Variants in TRPM7 observed in about 807,000 individuals in gnomAD.
The protein encoded by TRPM7 is transient receptor potential cation channel subfamily M member 7, also known as LTRPC ion channel family member 7.
A neutral mutation model predicts 229.7 loss-of-function variants in TRPM7; 134 were observed. The observed-to-expected ratio is 0.58, with a 90% confidence interval of 0.51 to 0.67. The LOEUF (loss-of-function observed/expected upper bound fraction) is 0.67, where lower values mean the gene tolerates loss of function less well. Ranked by LOEUF, TRPM7 falls within the 30% of genes least tolerant of loss-of-function variation. TRPM7 has a pLI of 0.00. For missense variants in TRPM7, 1,901 were observed against 2,210.0 expected, an observed-to-expected ratio of 0.86 and a Z score of 2.80; for synonymous variants, 699 against 715.2, an observed-to-expected ratio of 0.98 and a Z score of 0.36.
intron 9 of TRPM7, among the ~76,000 whole-genome samples, 158 bp downstream of exon 9, chr15:50,632,711 C>A (rs2060774611): frequency 6.6e-6 from 1 of 152,174 alleles, no homozygotes; most frequent in Non-Finnish European, 1.5e-5. Flanking sequence ...TACCTCTCAA[C>A]TTGAACAGAC....
intron 38 of TRPM7, among the ~76,000 whole-genome samples, chr15:50,567,572 C>T (rs190162970): frequency 2.6e-5 from 4 of 152,104 alleles, no homozygotes; most frequent in East Asian, 3.9e-4. Context: ...AAATCCTCAA[C>T]CTATTATTGA....
At chr15:50,640,554 G>C (rs1242499212) in intron 5 of TRPM7, among the ~76,000 whole-genome samples, 1 of 151,332 alleles carries the variant, frequency 6.6e-6, no homozygotes, top group Non-Finnish European at 1.5e-5. Flanking sequence ...CCAAAGTGCT[G>C]GGATTATAGG....
chr15:50,659,368 T>G (rs1398275411), intron 2 of TRPM7, among the ~76,000 whole-genome samples: 1 of 152,182 alleles, frequency 6.6e-6, no homozygotes, highest in Non-Finnish European at 1.5e-5. Flanking sequence ...AGATTTTTTA[T>G]TAGCAAGGTA....
intron 9 of TRPM7, among the ~76,000 whole-genome samples, chr15:50,632,299 AAAAAATAAAT>A (rs1180663600): frequency 6.6e-6 from 1 of 152,190 alleles, no homozygotes; most frequent in Non-Finnish European, 1.5e-5. Flanking sequence ...TCTCCAAAAA[AAAAAATAAAT>A]AAAAATAAAG....
chr15:50,563,934 A>G (rs1477575518), intron 38 of TRPM7, among the ~76,000 whole-genome samples: 1 of 152,000 alleles, frequency 6.6e-6, no homozygotes, highest in African/African-American at 2.4e-5. Flanking sequence ...ATCTCGGCTC[A>G]CTGAAACCCC....
At chr15:50,653,320 A>G (rs2061474887) in intron 3 of TRPM7, among the ~76,000 whole-genome samples, 1 of 152,206 alleles carries the variant, frequency 6.6e-6, no homozygotes, top group African/African-American at 2.4e-5. Flanking sequence ...ACAAAACTGA[A>G]TGTCTGTTCA....
chr15:50,574,797 G>A lies in TRPM7; in HGVS notation c.5019+55C>T. The A allele has an allele frequency of 3.2e-6, 5 of 1,585,582 alleles. No individual in the cohort carries two copies. In the South Asian group the frequency reaches 4.6e-5, roughly 14 times the overall value. Reference sequence around the variant, plus strand: ...TATTTGGCTTATTGATATTTCAGAAGTTAAAATATAAAGCTTAAATTATGT... The same window carrying A: ...TATTTGGCTTATTGATATTTCAGAAATTAAAATATAAAGCTTAAATTATGT... On this transcript the variant is annotated intron_variant, in intron 34 of 38. Transcript: ENST00000646667.
At chr15:50,684,255 C>A (rs185539598) in intron 1 of TRPM7, among the ~76,000 whole-genome samples, 1 of 151,820 alleles carries the variant, frequency 6.6e-6, no homozygotes, top group African/African-American at 2.4e-5. Flanking sequence ...CAGGTTCAAG[C>A]GATTCTCCTG....
chr15:50,605,112 C>T lies in TRPM7; in HGVS notation c.2742G>A (p.Gln914=), dbSNP rs2059886502. 1.2e-5 allele frequency: 19 copies of T among 1,604,798 alleles called. No individual in the cohort carries two copies. Among genetic ancestry groups the T allele is most frequent in the Non-Finnish European group, 1.6e-5 (19 of 1,176,494 alleles). Residue 914 remains glutamine (Q), a synonymous_variant, in exon 21 of 39, where the codon CAG becomes CAA. Transcript: ENST00000646667. ...IFMSEAGKVN[Q]KIKVWFSDYF... is the part of the protein sequence containing the mutation. ...AATCACTAAACCATACTTTAATCTT[C>T]TGGTTTACTTTCCCAGCTTCAGACA...
In TRPM7 at chr15:50,677,555, A is replaced by G. The variant is rs558238242; in HGVS notation, c.3+8976T>C. On this transcript the variant is annotated intron_variant, in intron 1 of 38. Transcript: ENST00000646667. The stretch of plus-strand genomic sequence containing the variant: ...GAAGTTTGAGACCAGCCTGACCAAC[A>G]TGGTGAAACCCCATCCCTACTAAAA... Among the ~76,000 whole-genome samples the G allele has an allele frequency of 1.3e-3, 200 of 151,848 alleles. 2 individuals are homozygous for G. The highest frequency in any genetic ancestry group is 4.7e-3 in the African/African-American group (194 of 41,394).
intron 36 of TRPM7, among the ~76,000 whole-genome samples, chr15:50,572,221 G>C (rs1311104948): frequency 6.6e-6 from 1 of 152,218 alleles, no homozygotes; most frequent in East Asian, 1.9e-4. Context: ...AGGAGTTTGA[G>C]GTTGCAGTGA....
rs34636418 is a variant in TRPM7, at chr15:50,617,335, C to CAA, written c.1494+2408_1494+2409dup. 1.6e-3 allele frequency among the ~76,000 whole-genome samples: 113 copies of CAA among 69,646 alleles called. 2 individuals carry two copies. Among genetic ancestry groups the CAA allele is most frequent in the African/African-American group, 3.3e-3 (95 of 29,098 alleles). 45.7% of individuals were successfully genotyped at this position (69,646 alleles called of 152,430 possible). A position where few individuals can be genotyped will look rare whatever the true frequency, so the allele number is the denominator to read the frequency against. ...TGGGCAACAGACCAAGACTCCATCT[C>CAA]AAAAAAAAAAAAAACAAATCAGTCA... On this transcript the variant is annotated intron_variant, in intron 13 of 38. Coordinates refer to ENST00000646667, the MANE Select transcript of TRPM7 (RefSeq NM_017672.6).
chr15:50,633,628 T>C (rs888697848), intron 8 of TRPM7, among the ~76,000 whole-genome samples: 1 of 152,236 alleles, frequency 6.6e-6, no homozygotes, highest in Non-Finnish European at 1.5e-5. Context: ...TTGGTAATCT[T>C]CTCAAAACCA....
intron 1 of TRPM7, among the ~76,000 whole-genome samples, chr15:50,671,942 T>G (rs1052988419): frequency 2.6e-5 from 4 of 152,112 alleles, no homozygotes; most frequent in Non-Finnish European, 5.9e-5. Flanking sequence ...CATATACAAC[T>G]ATGTACAGTA....
At chr15:50,603,828 AATT>A (rs2059846281) in intron 21 of TRPM7, 1 of 152,242 alleles carries the variant, frequency 6.6e-6, no homozygotes. Context: ...ATTTTAAAAT[AATT>A]GAGAAACAGC....
chr15:50,685,814 C>T (rs1384449804), intron 1 of TRPM7, among the ~76,000 whole-genome samples: 1 of 152,162 alleles, frequency 6.6e-6, no homozygotes. Flanking sequence ...CGGTTTAAAA[C>T]ACGATCAACT....
At chr15:50,637,677 CAAGT>C (rs1235549099) in intron 6 of TRPM7, 84 bp from the exon 7 acceptor site, 3 of 1,204,028 alleles carry the variant, frequency 2.5e-6, no homozygotes, top group African/African-American at 3.1e-5. Context: ...TCCGTAAAGA[CAAGT>C]AAGAAGTAAA....
chr15:50,657,708 C>T (rs2061612430), intron 3 of TRPM7, 73 bp downstream of exon 3: 1 of 1,345,962 alleles, frequency 7.4e-7, no homozygotes, highest in Non-Finnish European at 1.1e-6. Context: ...CCACTGTGTT[C>T]TAACTCATAT....
At position 50,632,831 on chromosome 15, in the gene TRPM7, C is replaced by T. The variant is rs767960061; in HGVS notation, c.1131+38G>A. 1.0e-5 allele frequency: 15 copies of T among 1,489,036 alleles called. No individual in the cohort carries two copies. The South Asian group carries it at 1.8e-4, about 18-fold the overall frequency. 92.2% of individuals were successfully genotyped at this position (1,489,036 alleles called of 1,614,324 possible). A position where few individuals can be genotyped will look rare whatever the true frequency, so the allele number is the denominator to read the frequency against. ...TGTGTTTTGAATGAAAGAAAAATGG[C>T]CTATCAGCTTTTTAAATTTCTGCTG... On this transcript the variant is annotated intron_variant, in intron 9 of 38. Coordinates refer to ENST00000646667, the MANE Select transcript of TRPM7 (RefSeq NM_017672.6).
Sources: allele counts gnomAD v4.1 joint callset (sites outside exome capture counted in the v4.1 genomes callset), GRCh38; gene constraint gnomAD v4.1.1; transcripts MANE v1.5; gene names NCBI Gene and HGNC (gene_info 2026-07-23, HGNC 2026-07-21).